TTN: variants seen among roughly 807,000 people sequenced by gnomAD.
TTN encodes connectin.
TTN carries 1,525 observed loss-of-function variants against 3,223.0 expected under a neutral mutation model. The observed-to-expected ratio is 0.47, with a 90% confidence interval of 0.45 to 0.49. The LOEUF is 0.49. Ranked by LOEUF, TTN falls within the 20% of genes least tolerant of loss-of-function variation. TTN has a pLI of 0.00. For missense variants in TTN, 40,786 were observed against 43,424.0 expected (o/e 0.94, Z 5.40); for synonymous variants, 14,094 against 15,161.0 (o/e 0.93, Z 5.17).
Position 178,546,273 on chromosome 2 carries a change from G to A in TTN, c.95058C>T (p.Tyr31686=). The A allele has an allele frequency of 6.2e-7, 1 of 1,613,814 alleles. No individual in the cohort carries two copies. Among genetic ancestry groups the A allele is most frequent in the Non-Finnish European group, 8.5e-7 (1 of 1,179,738 alleles). The change falls in exon 342 of 363, where the codon TAC becomes TAT. Residue 31686 remains tyrosine (Y), a synonymous_variant. Coordinates refer to ENST00000589042, the MANE Select transcript of TTN (RefSeq NM_001267550.2). ...CGCTGGCATTTTTCACTGTTAAAGT[G>A]TATTTTCCACTGTCACTTCTGTCAC... ...KFCDRSDSGK[Y]TLTVKNASGT...
rs549841864 is a variant in TTN, at chr2:178,548,372, G to A, written c.93254C>T (p.Pro31085Leu). The change falls in exon 339 of 363, where the codon CCG becomes CTG. Residue 31085 changes from proline to leucine, a missense_variant. Coordinates refer to ENST00000589042, the MANE Select transcript of TTN (RefSeq NM_001267550.2). The surrounding 1 kb of genome is among the most constrained non-coding windows in gnomAD (Gnocchi z 4.3). ...FKVNDLAEGV[P>L]YYFRVSAVNE... ...TACTGCAGAAACACGGAAATAGTACGGAACACCTTCGGCCAGGTCATTGAC... is the reference window on the plus strand; with the variant it reads ...TACTGCAGAAACACGGAAATAGTACAGAACACCTTCGGCCAGGTCATTGAC... 118 of 1,613,796 alleles carry A rather than the reference G, an allele frequency of 7.3e-5. No homozygotes were observed. In the East Asian group the frequency reaches 1.7e-3, roughly 23 times the overall value.
intron 336 of TTN, 162 bp downstream of exon 336, chr2:178,550,804 AT>A: frequency 3.1e-6 from 2 of 649,752 alleles, no homozygotes; most frequent in Non-Finnish European, 5.1e-6. Context: ...GATGCCAATT[AT>A]TTTTTTCTTC....
chr2:178,764,365 G>A, intron 42 of TTN, 63 bp from the exon 43 acceptor site: 2 of 1,612,690 alleles, frequency 1.2e-6, no homozygotes, highest in Admixed American at 1.7e-5. Context: ...ACAGAAGGGA[G>A]CATGTAGGTT....
At position 178,694,556 on chromosome 2, in the gene TTN, T is replaced by TA. The variant is rs760382112; in HGVS notation, c.31426+42dup. On this transcript the variant is annotated intron_variant, in intron 117 of 362. Transcript: ENST00000589042. ...ATGTACACATGTCCATACACATAAA[T>TA]AAAAAAATTTTGAACTTGTAGCTGA... 15 of 1,481,068 alleles carry TA rather than the reference T, an allele frequency of 1.0e-5. No homozygotes were observed. The East Asian group carries it at 3.2e-4, about 32-fold the overall frequency. 91.7% of individuals were successfully genotyped at this position (1,481,068 alleles called of 1,614,324 possible). A position where few individuals can be genotyped will look rare whatever the true frequency, so the allele number is the denominator to read the frequency against.
intron 112 of TTN, 55 bp downstream of exon 112, chr2:178,698,788 A>T: frequency 6.7e-7 from 1 of 1,487,084 alleles, no homozygotes; most frequent in Non-Finnish European, 9.1e-7. Context: ...TTTAGAATTT[A>T]AAAGTTTTGG....
In TTN at chr2:178,557,806, G is replaced by T. The variant is rs747056438; in HGVS notation, c.87548C>A (p.Ala29183Glu). The T allele has an allele frequency of 9.3e-6, 15 of 1,613,832 alleles. No homozygotes were observed. The highest frequency in any genetic ancestry group is 1.7e-5 in the Admixed American group (1 of 60,008). The change falls in exon 328 of 363, where the codon GCA becomes GAA. Residue 29183 changes from alanine (A) to glutamate (E), a missense_variant. Physicochemically the swap from Ala to Glu is moderately radical, Grantham distance 107. Coordinates refer to ENST00000589042, the MANE Select transcript of TTN (RefSeq NM_001267550.2). ...YILLKRETST[A>E]VWTEVSATVA... ...TGTTGCAGACACTTCAGTCCACACT[G>T]CAGTACTTGTTTCTCTTTTGAGTAG... is the stretch of plus-strand genomic sequence containing the variant.
Position 178,729,123 on chromosome 2 carries a change from C to G in TTN, c.18915G>C (p.Leu6305Phe). 6.2e-7 allele frequency: 1 copy of G among 1,607,612 alleles called. No individual in the cohort carries two copies. The change falls in exon 65 of 363, where the codon TTG becomes TTC. Residue 6305 changes from leucine (L) to phenylalanine (F), a missense_variant. Leu to Phe is a conservative substitution (Grantham distance 22, BLOSUM62 0). Coordinates refer to ENST00000589042, the MANE Select transcript of TTN (RefSeq NM_001267550.2). ...IKKIENTTTVLKSSATFQSTV... is the reference protein window; with the variant it reads ...IKKIENTTTVFKSSATFQSTV... Reference sequence around the variant, plus strand: ...TACTCTGAAAGGTGGCAGAACTTTTCAAAACAGTAGTGGTATTTTCTATCT... The same window carrying G: ...TACTCTGAAAGGTGGCAGAACTTTTGAAAACAGTAGTGGTATTTTCTATCT...
chr2:178,581,881 A>G (rs755554566), intron 315 of TTN, 25 bp downstream of exon 315: 3 of 1,611,098 alleles, frequency 1.9e-6, no homozygotes, highest in East Asian at 2.2e-5. Flanking sequence ...AACACAGGAT[A>G]TGGAACTCGT....
chr2:178,647,531 G>A (rs2154246206), intron 213 of TTN, 67 bp from the exon 214 acceptor site: 1 of 1,454,328 alleles, frequency 6.9e-7, no homozygotes, highest in Non-Finnish European at 9.4e-7. Flanking sequence ...TAAAGAGCAG[G>A]CAAAGAATGC....
At position 178,654,337 on chromosome 2, in the gene TTN, A is replaced by G. The variant is rs767211839; in HGVS notation, c.38297-46T>C. On this transcript the variant is annotated intron_variant, in intron 192 of 362. Coordinates refer to ENST00000589042, the MANE Select transcript of TTN (RefSeq NM_001267550.2). The stretch of plus-strand genomic sequence containing the variant: ...TTTAGTTAGAAGCTATAAAGGGGGA[A>G]TATCGACTCCACATTTACCCAAGCA... The G allele has an allele frequency of 6.3e-6, 10 of 1,577,446 alleles. No homozygotes were observed. The East Asian group carries it at 2.3e-4, about 36-fold the overall frequency.
chr2:178,611,948 G>T lies in TTN; in HGVS notation c.50361C>A (p.Val16787=). ...TACCTAACCTTTCTTTCTTCTCAAT[G>T]ACATATCTATTGAAACAACAAAGCA... is the stretch of plus-strand genomic sequence containing the variant. ...NDGGRPIQRY[V]IEKKERLGTR... Residue 16787 remains valine (V), a synonymous_variant, in exon 268 of 363, where the codon GTC becomes GTA. Transcript: ENST00000589042. The T allele has an allele frequency of 6.2e-7, 1 of 1,611,048 alleles. No homozygotes were observed. Among genetic ancestry groups the T allele is most frequent in the Non-Finnish European group, 8.5e-7 (1 of 1,178,884 alleles).
rs777730788 is a variant in TTN at position 178,715,025 on chromosome 2, C to T, written c.26161G>A (p.Val8721Met). The T allele has an allele frequency of 1.1e-4, 175 of 1,612,926 alleles. 1 individual carries two copies. In the South Asian group the frequency reaches 1.8e-3, roughly 17 times the overall value. Reference sequence around the variant, plus strand: ...GAACCAACGCAAGTGTCGCTTCCCACATCATTTGTGGCTTTACACTGATAT... The same window carrying T: ...GAACCAACGCAAGTGTCGCTTCCCATATCATTTGTGGCTTTACACTGATAT... ...GEYQCKATND[V>M]GSDTCVGSIA... Residue 8721 changes from valine to methionine, a missense_variant, in exon 90 of 363, where the codon GTG (valine) becomes ATG (methionine). Physicochemically the swap from Val to Met is conservative, Grantham distance 21. Transcript: ENST00000589042.
chr2:178,738,241 G>A lies in TTN; in HGVS notation c.14212C>T (p.Arg4738Ter), dbSNP rs1311308523. ...NVRFQWFKAG[R>*]EIYESDKCSI... Reference sequence around the variant, plus strand: ...CACTTGTCACTCTCATAAATTTCTCGGCCAGCTTTAAACCACTGGAACCGG... The same window carrying A: ...CACTTGTCACTCTCATAAATTTCTCAGCCAGCTTTAAACCACTGGAACCGG... The change falls in exon 49 of 363, where the codon CGA becomes TGA. Residue 4738 changes from arginine to a stop codon, truncating the protein, a stop_gained. Transcript: ENST00000589042. LOFTEE classifies it high-confidence loss of function. 6.2e-7 allele frequency: 1 copy of A among 1,613,466 alleles called. No individual in the cohort carries two copies. The highest frequency in any genetic ancestry group is 1.1e-5 in the South Asian group (1 of 91,058).
rs773461641 is a variant in TTN, at chr2:178,580,148, A to T, written c.67139T>A (p.Ile22380Asn). The T allele has an allele frequency of 1.2e-6, 2 of 1,613,332 alleles. No homozygotes were observed. The highest frequency in any genetic ancestry group is 1.7e-6 in the Non-Finnish European group (2 of 1,179,498). ...GTTTATGATGGGGCTTCCGCCATCA[A>T]TAATGGGAGGCTCCCAGGTAACATA... is the stretch of plus-strand genomic sequence containing the variant. ...SAYVTWEPPIIDGGSPIINYV... is the reference protein window; with the variant it reads ...SAYVTWEPPINDGGSPIINYV... The change falls in exon 318 of 363, where the codon ATT becomes AAT. Residue 22380 changes from isoleucine to asparagine, a missense_variant. By Grantham distance (149) the Ile-to-Asn change is moderately radical. Transcript: ENST00000589042.
Position 178,546,480 on chromosome 2 carries a change from A to T in TTN, c.94851T>A (p.Asp31617Glu), listed in dbSNP as rs72648256. The change falls in exon 342 of 363, where the codon GAT becomes GAA. Residue 31617 changes from aspartate to glutamate, a missense_variant. Transcript: ENST00000589042. ...TAACCAGATCACCGTGTAATCGGGC[A>T]TCCAGTTCGGCTTTGGGTGGAGCTG... ...DEYAPPKAELDARLHGDLVTI... is the reference protein window; with the variant it reads ...DEYAPPKAELEARLHGDLVTI... The T allele has an allele frequency of 2.9e-3, 4,686 of 1,612,506 alleles. 22 individuals carry two copies. The highest frequency in any genetic ancestry group is 0.022 in the Middle Eastern group (131 of 6,050).
chr2:178,653,497 G>A lies in TTN; in HGVS notation c.38637C>T (p.Val12879=). ...TCTTTTCTGGCACAATTTCTTGTGGGACTTCAGGCACTTGAAAGATATTAG... is the reference window on the plus strand; with the variant it reads ...TCTTTTCTGGCACAATTTCTTGTGGAACTTCAGGCACTTGAAAGATATTAG... ...PEAPPATVPE[V]PQEIVPEKKT... The change falls in exon 197 of 363, where the codon GTC becomes GTT. Residue 12879 remains valine, a synonymous_variant. Transcript: ENST00000589042. 1 of 1,524,598 alleles carries A rather than the reference G, an allele frequency of 6.6e-7. No individual in the cohort carries two copies. The highest frequency in any genetic ancestry group is 8.8e-7 in the Non-Finnish European group (1 of 1,140,170). 94.4% of individuals were successfully genotyped at this position (1,524,598 alleles called of 1,614,324 possible).
chr2:178,556,739 C>G (rs2154155042), intron 330 of TTN, 109 bp downstream of exon 330: 1 of 1,318,852 alleles, frequency 7.6e-7, no homozygotes. Context: ...TCCAAAAACC[C>G]CATTAAGGCA....
chr2:178,804,182 GCT>G (rs1405364334), intron 2 of TTN, among the ~76,000 whole-genome samples: 1 of 152,174 alleles, frequency 6.6e-6, no homozygotes, highest in Non-Finnish European at 1.5e-5. Context: ...CTACCCCATG[GCT>G]CTGTGGCTGG....
Position 178,670,248 on chromosome 2 carries a change from G to A in TTN, c.35356C>T (p.Pro11786Ser), listed in dbSNP as rs1209481201. ...GTTGGTGGAACTCTGGGCTCTTCAG[G>A]AACACGTACTTTTTCTTCTACCACA... ...KIVVEEKVRV[P>S]EEPRVPPTKA... The change falls in exon 157 of 363, where the codon CCT becomes TCT. Residue 11786 changes from proline to serine, a missense_variant. By Grantham distance (74) the Pro-to-Ser change is moderately conservative. Transcript: ENST00000589042. 4.0e-6 allele frequency: 6 copies of A among 1,495,546 alleles called. No homozygotes were observed. Among genetic ancestry groups the A allele is most frequent in the Admixed American group, 2.4e-5 (1 of 41,996 alleles). The allele number at this position is 1,495,546 out of a possible 1,614,324, so 92.6% of individuals were successfully genotyped here.
Sources: allele counts gnomAD v4.1 joint callset (sites outside exome capture counted in the v4.1 genomes callset), GRCh38; gene constraint gnomAD v4.1.1; non-coding constraint Gnocchi (gnomAD v3.1); transcripts MANE v1.5; gene names NCBI Gene and HGNC (gene_info 2026-07-23, HGNC 2026-07-21).